The following RNF220 variants were observed in gnomAD, a reference collection of about 807,000 sequenced individuals.
The protein encoded by RNF220 is ring finger protein 220, also known as E3 ubiquitin-protein ligase RNF220.
In RNF220, 7 loss-of-function variants were observed where a neutral mutation model predicts 67.1. That is an observed-to-expected ratio of 0.10 (90% CI 0.06 to 0.20). RNF220 has a LOEUF of 0.20. RNF220 is among the 10% of genes least tolerant of loss of function. The pLI, the probability that RNF220 is intolerant of heterozygous loss-of-function variation, is 1.00. For synonymous variants in RNF220, 270 were observed against 283.2 expected (o/e 0.95, Z 0.47); for missense variants, 565 against 740.3 (o/e 0.76, Z 2.75).
intron 2 of RNF220, among the ~76,000 whole-genome samples, chr1:44,437,258 TGCATGAG>T (rs1349679476): frequency 6.6e-6 from 1 of 152,250 alleles, no homozygotes; most frequent in African/African-American, 2.4e-5. Flanking sequence ...GTGGGCCAAC[TGCATGAG>T]CACAGTTTCT....
chr1:44,423,765 G>A, intron 2 of RNF220: 1 of 877,972 alleles, frequency 1.1e-6, no homozygotes, highest in African/African-American at 1.8e-5. Flanking sequence ...AAGCCACATA[G>A]CACCCGGGAT....
intron 2 of RNF220, among the ~76,000 whole-genome samples, chr1:44,553,436 T>G (rs1032469803): frequency 2.6e-5 from 4 of 152,180 alleles, no homozygotes; most frequent in African/African-American, 9.7e-5. Flanking sequence ...AGCTACCCAG[T>G]CCTGACATTC....
chr1:44,592,087 A>T (rs910485767), intron 2 of RNF220, among the ~76,000 whole-genome samples: 4 of 152,208 alleles, frequency 2.6e-5, no homozygotes, highest in African/African-American at 7.2e-5. Context: ...GGAAAAGGAC[A>T]TGATAAAAAT....
intron 2 of RNF220, among the ~76,000 whole-genome samples, chr1:44,516,804 T>G (rs1414430930): frequency 1.3e-5 from 2 of 152,198 alleles, no homozygotes; most frequent in Non-Finnish European, 2.9e-5. Flanking sequence ...TTCACCTTTT[T>G]GTCCTCTCCT....
At chr1:44,462,003 C>G (rs1022851452) in intron 2 of RNF220, among the ~76,000 whole-genome samples, 14 of 144,928 alleles carry the variant, frequency 9.7e-5, no homozygotes, top group African/African-American at 3.7e-4. Flanking sequence ...TCTTGGCTCA[C>G]TGTGACCTCC....
At chr1:44,520,085 T>TTGTGTGTGTGTGTGTGTGTG (rs1167831790) in intron 2 of RNF220, among the ~76,000 whole-genome samples, 1 of 106,386 alleles carries the variant, frequency 9.4e-6, no homozygotes, top group African/African-American at 3.5e-5. Context: ...AAGTCCAGCA[T>TTGTGTGTGTGTGTGTGTGTG]TGTGTGTGTG....
Position 44,645,206 on chromosome 1 carries a change from C to A in RNF220, c.1311-15C>A. The stretch of plus-strand genomic sequence containing the variant: ...TTCAGGCCTCACTTTGTTTTTCCTC[C>A]CTCCTTTCCTCCAGTGGCGGCCCTC... On this transcript the variant is annotated splice_polypyrimidine_tract_variant and intron_variant, in intron 10 of 14. Transcript: ENST00000361799. This position sits in a 1 kb window ranked among gnomAD's most constrained non-coding sequence, Gnocchi z 5.0. 2 of 1,614,104 alleles carry A rather than the reference C, an allele frequency of 1.2e-6. No individual in the cohort carries two copies. The highest frequency in any genetic ancestry group is 2.2e-5 in the South Asian group (2 of 91,086).
intron 2 of RNF220, among the ~76,000 whole-genome samples, chr1:44,463,058 C>T (rs926959746): frequency 3.3e-5 from 5 of 151,978 alleles, no homozygotes; most frequent in African/African-American, 7.2e-5. Flanking sequence ...CAAGAAAGGC[C>T]GGGCGCAGTG....
Position 44,547,326 on chromosome 1 carries a change from C to T in RNF220, c.626-66839C>T, listed in dbSNP as rs114321418. Among the ~76,000 whole-genome samples, 842 of 152,332 alleles carry T rather than the reference C, an allele frequency of 5.5e-3. 12 individuals carry two copies. Among genetic ancestry groups the T allele is most frequent in the African/African-American group, 0.02 (811 of 41,566 alleles). ...TAACCACTTCCATTCTCTCCACTGG[C>T]TCATTTCTGCCACAGTCCTTACCTC... is the stretch of plus-strand genomic sequence containing the variant. On this transcript the variant is annotated intron_variant, in intron 2 of 14. Transcript: ENST00000361799.
At chr1:44,418,213 G>A (rs1190193951) in intron 2 of RNF220, among the ~76,000 whole-genome samples, 1 of 152,172 alleles carries the variant, frequency 6.6e-6, no homozygotes, top group African/African-American at 2.4e-5. Flanking sequence ...CAGCGCGGGC[G>A]TGGGGATGGC....
chr1:44,454,690 A>G (rs1653007519), intron 2 of RNF220, among the ~76,000 whole-genome samples: 1 of 151,628 alleles, frequency 6.6e-6, no homozygotes, highest in Admixed American at 6.6e-5. Flanking sequence ...TTGAGGTATA[A>G]TTCATATATA....
intron 2 of RNF220, among the ~76,000 whole-genome samples, chr1:44,463,349 A>AG (rs1653971382): frequency 7.7e-6 from 1 of 129,756 alleles, no homozygotes. Flanking sequence ...AAAAAAAAAA[A>AG]GAAAGAAAGA....
At chr1:44,522,712 C>A (rs183960315) in intron 2 of RNF220, among the ~76,000 whole-genome samples, 1 of 152,220 alleles carries the variant, frequency 6.6e-6, no homozygotes, top group East Asian at 1.9e-4. Flanking sequence ...ATGCAATGCC[C>A]GGGGACCATC....
At chr1:44,509,957 G>T (rs547846722) in intron 2 of RNF220, among the ~76,000 whole-genome samples, 1 of 149,816 alleles carries the variant, frequency 6.7e-6, no homozygotes, top group South Asian at 2.1e-4. Context: ...AATCAGCATA[G>T]AATGATTACA....
chr1:44,591,727 G>C (rs1666128911), intron 2 of RNF220, among the ~76,000 whole-genome samples: 1 of 152,150 alleles, frequency 6.6e-6, no homozygotes, highest in Non-Finnish European at 1.5e-5. Flanking sequence ...AGGCCCATGG[G>C]AGGCCCCACT....
chr1:44,604,916 A>G (rs1243859357), intron 2 of RNF220, among the ~76,000 whole-genome samples: 1 of 152,256 alleles, frequency 6.6e-6, no homozygotes, highest in African/African-American at 2.4e-5. Context: ...ACACCTGTGT[A>G]TTATATCTAG....
intron 2 of RNF220, among the ~76,000 whole-genome samples, chr1:44,414,001 G>T (rs374005573): frequency 6.6e-6 from 1 of 152,172 alleles, no homozygotes; most frequent in Admixed American, 6.5e-5. Context: ...ATCGCTCTTT[G>T]GTTTTGAAAT....
intron 2 of RNF220, among the ~76,000 whole-genome samples, chr1:44,474,121 T>A (rs563418375): frequency 6.6e-6 from 1 of 152,146 alleles, no homozygotes; most frequent in East Asian, 1.9e-4. Context: ...ACGCCTATAA[T>A]CCCAGCACTT....
At chr1:44,550,980 A>C (rs1662580066) in intron 2 of RNF220, among the ~76,000 whole-genome samples, 1 of 152,104 alleles carries the variant, frequency 6.6e-6, no homozygotes, top group Non-Finnish European at 1.5e-5. Flanking sequence ...GGATTTGGAT[A>C]TCTCCTAGCA....
Sources: gnomAD v4.1 joint callset for allele counts (sites outside exome capture counted in the v4.1 genomes callset) on GRCh38, gnomAD v4.1.1 for gene constraint, Gnocchi (gnomAD v3.1) non-coding constraint, MANE v1.5 for transcripts, NCBI Gene and HGNC (gene_info 2026-07-23, HGNC 2026-07-21) for gene names.